Variants in GRM8 observed in about 807,000 individuals in gnomAD.
GRM8 encodes the protein glutamate metabotropic receptor 8.
GRM8 carries 47 observed loss-of-function variants against 87.2 expected under a neutral mutation model. The observed-to-expected ratio is 0.54, with a 90% CI of 0.43 to 0.69. The LOEUF (loss-of-function observed/expected upper bound fraction) is 0.69, where lower values mean the gene tolerates loss of function less well. Among genes scored for constraint, GRM8 ranks in the 30% least tolerant of loss-of-function variants. The pLI is 0.00. For synonymous variants in GRM8, 396 were observed against 404.5 expected (o/e 0.98, Z 0.25); for missense variants, 1,019 against 1,139.2 (o/e 0.89, Z 1.52).
At chr7:126,638,295 C>G (rs1802053072) in intron 7 of GRM8, among the ~76,000 whole-genome samples, 1 of 152,136 alleles carries the variant, frequency 6.6e-6, no homozygotes, top group South Asian at 2.1e-4. Context: ...AGGGGAGCAT[C>G]TTGTATGACA....
intron 7 of GRM8, among the ~76,000 whole-genome samples, chr7:126,750,718 C>T (rs1816320997): frequency 6.6e-6 from 1 of 152,094 alleles, no homozygotes; most frequent in South Asian, 2.1e-4. Context: ...TTCACATAAT[C>T]TCACACTTAG....
chr7:126,739,034 AAGG>A (rs942673829), intron 7 of GRM8, among the ~76,000 whole-genome samples: 83 of 152,062 alleles, frequency 5.5e-4, no homozygotes, highest in African/African-American at 2.0e-3. Context: ...GGAGGAAGAA[AAGG>A]AGAAGGAACC....
intron 2 of GRM8, among the ~76,000 whole-genome samples, chr7:127,198,340 G>A (rs1471936544): frequency 6.6e-6 from 1 of 152,138 alleles, no homozygotes; most frequent in Admixed American, 6.5e-5. Context: ...TTGTCACCAC[G>A]AACACAGATA....
At chr7:126,784,032 A>G (rs1162721944) in intron 6 of GRM8, among the ~76,000 whole-genome samples, 2 of 152,240 alleles carry the variant, frequency 1.3e-5, no homozygotes, top group Non-Finnish European at 2.9e-5. Flanking sequence ...TTAAAAGAAA[A>G]TAATCTAATA....
chr7:126,759,751 C>T (rs1817398886), intron 7 of GRM8, among the ~76,000 whole-genome samples: 1 of 152,132 alleles, frequency 6.6e-6, no homozygotes, highest in South Asian at 2.1e-4. Context: ...ATGACCCAAG[C>T]AGTCTAAATA....
intron 3 of GRM8, among the ~76,000 whole-genome samples, chr7:126,986,776 G>C (rs1812116296): frequency 6.6e-6 from 1 of 152,186 alleles, no homozygotes; most frequent in African/African-American, 2.4e-5. Context: ...GAAAAGTACA[G>C]AAGACATAAG....
At chr7:126,626,205 G>A (rs938233342) in intron 7 of GRM8, among the ~76,000 whole-genome samples, 82 of 151,452 alleles carry the variant, frequency 5.4e-4, no homozygotes, top group African/African-American at 1.9e-3. Context: ...TGTGTTGGTG[G>A]AAAAAGAAAG....
chr7:126,842,324 C>T (rs1796351325), intron 6 of GRM8, among the ~76,000 whole-genome samples: 1 of 152,134 alleles, frequency 6.6e-6, no homozygotes, highest in Non-Finnish European at 1.5e-5. Context: ...TTAGCTGACC[C>T]TGAAAGCAAG....
At chr7:126,452,721 T>C (rs1802762507) in intron 9 of GRM8, among the ~76,000 whole-genome samples, 1 of 151,818 alleles carries the variant, frequency 6.6e-6, no homozygotes. Context: ...TGGGCCATTT[T>C]GCTCTCCATC....
chr7:127,212,456 C>T lies in GRM8; in HGVS notation c.510+30239G>A, dbSNP rs969339413. 1.6e-3 allele frequency among the ~76,000 whole-genome samples: 199 copies of T among 127,420 alleles called. 1 individual carries two copies. The highest frequency in any genetic ancestry group is 6.1e-3 in the African/African-American group (189 of 30,958). 83.6% of individuals were successfully genotyped at this position (127,420 alleles called of 152,430 possible). On this transcript the variant is annotated intron_variant, in intron 2 of 10. Transcript: ENST00000339582. ...TTTTTGAGACGGAGTCTCGCTCTGT[C>T]GCCCAGGCTGGAGTGCAGTGGCGGG...
intron 6 of GRM8, among the ~76,000 whole-genome samples, chr7:126,828,939 C>T (rs964417754): frequency 1.3e-5 from 2 of 152,100 alleles, no homozygotes; most frequent in African/African-American, 4.8e-5. Context: ...ATCTTTATTT[C>T]TGCCTTCATT....
At chr7:126,877,634 T>C (rs1386692012) in intron 6 of GRM8, among the ~76,000 whole-genome samples, 1 of 152,230 alleles carries the variant, frequency 6.6e-6, no homozygotes, top group Non-Finnish European at 1.5e-5. Context: ...ACCATATCTC[T>C]TCCTATTCAG....
intron 9 of GRM8, among the ~76,000 whole-genome samples, chr7:126,475,414 T>G (rs1805783591): frequency 1.3e-5 from 2 of 150,110 alleles, no homozygotes; most frequent in South Asian, 4.2e-4. Flanking sequence ...TTTAAGGAGG[T>G]GGAAGATCTG....
intron 7 of GRM8, among the ~76,000 whole-genome samples, chr7:126,642,733 G>A (rs1021921634): frequency 6.6e-6 from 1 of 152,124 alleles, no homozygotes; most frequent in Non-Finnish European, 1.5e-5. Context: ...AGATAGAGTT[G>A]AAGAAAGCAG....
At chr7:126,701,402 A>G (rs1809911337) in intron 7 of GRM8, among the ~76,000 whole-genome samples, 1 of 152,174 alleles carries the variant, frequency 6.6e-6, no homozygotes, top group Non-Finnish European at 1.5e-5. Flanking sequence ...CCAAATATAG[A>G]AGAGGGCTCA....
At chr7:126,621,752 G>A (rs903788445) in intron 7 of GRM8, among the ~76,000 whole-genome samples, 7 of 151,442 alleles carry the variant, frequency 4.6e-5, no homozygotes, top group South Asian at 2.1e-4. Context: ...AATCATTCAC[G>A]CATCTTGACA....
At chr7:126,798,800 A>T (rs747486854) in intron 6 of GRM8, among the ~76,000 whole-genome samples, 2 of 152,120 alleles carry the variant, frequency 1.3e-5, no homozygotes, top group Admixed American at 6.6e-5. Context: ...GAGGTCAGAG[A>T]GCAGGAACCA....
intron 8 of GRM8, among the ~76,000 whole-genome samples, chr7:126,594,710 A>C (rs910340132): frequency 2.6e-5 from 4 of 152,152 alleles, no homozygotes; most frequent in African/African-American, 9.7e-5. Flanking sequence ...AAATGCTAAA[A>C]GAGTGGATAT....
In GRM8 at chr7:127,243,294, G is replaced by GCAC; in HGVS notation, c.-91_-90insGTG. The GCAC allele has an allele frequency of 8.5e-7, 1 of 1,177,630 alleles. No individual in the cohort carries two copies. Among genetic ancestry groups the GCAC allele is most frequent in the Non-Finnish European group, 1.2e-6 (1 of 836,902 alleles). The allele number at this position is 1,177,630 out of a possible 1,614,324, so 72.9% of individuals were successfully genotyped here. On this transcript the variant is annotated 5_prime_UTR_variant, in exon 2 of 11. Transcript: ENST00000339582. ...CCACCTGAGGCTGCACCTTCTGGAG[G>GCAC]CTACCATCAGGGCCCATGGGGAAAA... is the stretch of plus-strand genomic sequence containing the variant.
Sources: gnomAD v4.1 joint callset for allele counts (sites outside exome capture counted in the v4.1 genomes callset) on GRCh38, gnomAD v4.1.1 for gene constraint, MANE v1.5 for transcripts, NCBI Gene and HGNC (gene_info 2026-07-23, HGNC 2026-07-21) for gene names.